The following CEP170B variants were observed in gnomAD, a reference collection of about 807,000 sequenced individuals.
CEP170B encodes centrosomal protein 170B, also known as centrosomal protein of 170 kDa protein B.
Under a neutral mutation model 120.6 loss-of-function variants are expected in CEP170B, and 55 were observed. The ratio of observed to expected loss-of-function variants is 0.46; its 90% CI spans 0.37 to 0.57. The LOEUF (loss-of-function observed/expected upper bound fraction) is 0.57, where lower values mean the gene tolerates loss of function less well. Ranked by LOEUF, CEP170B falls within the 20% of genes least tolerant of loss-of-function variation. The probability of loss-of-function intolerance (pLI) is 0.00; values close to 1 mark genes in which losing one functional copy is unlikely to be tolerated. For missense variants in CEP170B, 2,212 were observed against 2,253.3 expected (o/e 0.98, Z 0.37); for synonymous variants, 1,033 against 954.5 (o/e 1.08, Z -1.52).
intron 2 of CEP170B, among the ~76,000 whole-genome samples, chr14:104,871,995 T>TG (rs1895507393): frequency 6.6e-6 from 1 of 152,344 alleles, no homozygotes; most frequent in East Asian, 1.9e-4. Context: ...AGTGCAAGCC[T>TG]GGCACAGAGC....
In CEP170B at chr14:104,890,566, G is replaced by GTGGATGGA. The variant is rs754563532; in HGVS notation, c.3878+824_3878+831dup. 3.3e-3 allele frequency among the ~76,000 whole-genome samples: 260 copies of GTGGATGGA among 78,136 alleles called. 8 individuals are homozygous for GTGGATGGA. Among genetic ancestry groups the GTGGATGGA allele is most frequent in the African/African-American group, 0.014 (245 of 17,878 alleles). The allele number at this position is 78,136 out of a possible 152,430, so 51.3% of individuals were successfully genotyped here. ...GATGGGTGAGTAGGTGGGTGGGTGG[G>GTGGATGGA]TGGATGGATGGATGGATGGATGGGT... On this transcript the variant is annotated intron_variant, in intron 13 of 18. Coordinates refer to ENST00000414716, the MANE Select transcript of CEP170B (RefSeq NM_001112726.3).
At position 104,883,904 on chromosome 14, in the gene CEP170B, G is replaced by T; in HGVS notation, c.1125G>T (p.Val375=). The change falls in exon 9 of 19, where the codon GTG becomes GTT. Residue 375 remains valine (V), a synonymous_variant. Transcript: ENST00000414716. The stretch of plus-strand genomic sequence containing the variant: ...CCAAGGCGGCCTCGGCCGCTGGGGT[G>T]CCCTTGGAGGCCAGCGGGGAGCAGG... ...PLAKAASAAG[V]PLEASGEQVR... is the part of the protein sequence containing the mutation. 1.9e-6 allele frequency: 3 copies of T among 1,591,802 alleles called. No individual in the cohort carries two copies. The highest frequency in any genetic ancestry group is 2.6e-6 in the Non-Finnish European group (3 of 1,169,676).
intron 4 of CEP170B, 51 bp downstream of exon 4, chr14:104,878,014 G>A (rs1364065819): frequency 7.1e-7 from 1 of 1,405,628 alleles, no homozygotes; most frequent in South Asian, 1.2e-5. Context: ...CAGTCCCCAG[G>A]ACCACAGTCA....
At position 104,870,503 on chromosome 14, in the gene CEP170B, G is replaced by A. The variant is rs1379480588; in HGVS notation, c.105+1948G>A. ...CTGCTCTACCTAGGGTGGCTAGGAG[G>A]GCTTCTTGGAGGCGGCGGCACTTTG... On this transcript the variant is annotated intron_variant, in intron 2 of 18. Coordinates refer to ENST00000414716, the MANE Select transcript of CEP170B (RefSeq NM_001112726.3). This position sits in a 1 kb window ranked among gnomAD's most constrained non-coding sequence, Gnocchi z 4.1. 6.6e-6 allele frequency among the ~76,000 whole-genome samples: 1 copy of A among 152,170 alleles called. No homozygotes were observed. The highest frequency in any genetic ancestry group is 6.5e-5 in the Admixed American group (1 of 15,286).
chr14:104,882,067 C>G (rs374583396), intron 6 of CEP170B, among the ~76,000 whole-genome samples: 45 of 152,286 alleles, frequency 3.0e-4, no homozygotes, highest in Middle Eastern at 3.4e-3. Flanking sequence ...GGCCAGCGCC[C>G]TGACCTGAGG....
chr14:104,875,699 G>A (rs1895808305), intron 2 of CEP170B, among the ~76,000 whole-genome samples: 1 of 152,238 alleles, frequency 6.6e-6, no homozygotes, highest in Non-Finnish European at 1.5e-5. Context: ...CAGTGATGGG[G>A]GCTTGGCTGT....
rs771723021 is a variant in CEP170B, at chr14:104,894,371, C to G, written c.4358C>G (p.Ser1453Cys). 10 of 1,613,386 alleles carry G rather than the reference C, an allele frequency of 6.2e-6. No individual in the cohort carries two copies. In the South Asian group the frequency reaches 1.1e-4, roughly 18 times the overall value. ...AENEVPILKTSNKEISSILKE... is the reference protein window; with the variant it reads ...AENEVPILKTCNKEISSILKE... ...AACGAGGTGCCCATCCTGAAGACAT[C>G]TAACAAGGTGAGCGCTGGGGCCCCG... The change falls in exon 17 of 19, where the codon TCT becomes TGT. Residue 1453 changes from serine (S) to cysteine (C), a missense_variant. This residue lies in a region of CEP170B where 2,166 missense variants were observed against 2,166.7 expected (regional missense o/e 1.00). Coordinates refer to ENST00000414716, the MANE Select transcript of CEP170B (RefSeq NM_001112726.3).
intron 4 of CEP170B, among the ~76,000 whole-genome samples, chr14:104,878,215 CAT>C (rs1038087755): frequency 1.3e-5 from 2 of 152,058 alleles, no homozygotes; most frequent in Non-Finnish European, 2.9e-5. Context: ...CCTGAGGTCA[CAT>C]GGGGCCTGGG....
At chr14:104,874,922 C>A (rs1895756544) in intron 2 of CEP170B, among the ~76,000 whole-genome samples, 1 of 152,238 alleles carries the variant, frequency 6.6e-6, no homozygotes, top group Non-Finnish European at 1.5e-5. Context: ...TCTGCAGAGG[C>A]CTCAGTCAAG....
rs748458503 is a variant in CEP170B at position 104,884,387 on chromosome 14, C to A, written c.1608C>A (p.Ser536Arg). The A allele has an allele frequency of 7.8e-6, 12 of 1,547,116 alleles. No homozygotes were observed. Among genetic ancestry groups the A allele is most frequent in the East Asian group, 2.4e-5 (1 of 40,910 alleles). Residue 536 changes from serine to arginine, a missense_variant, in exon 9 of 19, where the codon AGC (serine) becomes AGA (arginine). Ser to Arg is a moderately radical substitution (Grantham distance 110). This residue lies in a region of CEP170B where 2,166 missense variants were observed against 2,166.7 expected (regional missense o/e 1.00). Coordinates refer to ENST00000414716, the MANE Select transcript of CEP170B (RefSeq NM_001112726.3). ...LPAPLTPHGT[S>R]PVGPPTPPPA... ...CTCCCCTGACACCCCATGGGACCAG[C>A]CCCGTGGGCCCCCCGACCCCACCGC... is the stretch of plus-strand genomic sequence containing the variant.
Position 104,894,520 on chromosome 14 carries a change from T to C in CEP170B, c.4366-17T>C, listed in dbSNP as rs745753795. 3 of 1,609,200 alleles carry C rather than the reference T, an allele frequency of 1.9e-6. No individual in the cohort carries two copies. In the South Asian group the frequency reaches 3.3e-5, roughly 18 times the overall value. ...CGTCAGAAGTTGACTCCACCTCCCT[T>C]CCTGCCACGTTTCCAGGAAATCAGC... On this transcript the variant is annotated splice_polypyrimidine_tract_variant and intron_variant, in intron 17 of 18. Transcript: ENST00000414716.
In CEP170B at chr14:104,883,149, A is replaced by G; in HGVS notation, c.692A>G (p.Lys231Arg). 1 of 1,607,694 alleles carries G rather than the reference A, an allele frequency of 6.2e-7. No homozygotes were observed. Among genetic ancestry groups the G allele is most frequent in the Non-Finnish European group, 8.5e-7 (1 of 1,178,574 alleles). The stretch of plus-strand genomic sequence containing the variant: ...CCCAGCTACTTCGAGATCCCCACGA[A>G]GGAGACCCCGCAGCCGTCGCAGCCC... ...REPSYFEIPT[K>R]ETPQPSQPPE... is the part of the protein sequence containing the mutation. Residue 231 changes from lysine (K) to arginine (R), a missense_variant, in exon 8 of 19, where the codon AAG (lysine) becomes AGG (arginine). Physicochemically the swap from Lys to Arg is conservative, Grantham distance 26. Transcript: ENST00000414716.
intron 12 of CEP170B, among the ~76,000 whole-genome samples, chr14:104,888,475 G>T (rs1390205039): frequency 1.3e-5 from 2 of 152,186 alleles, no homozygotes; most frequent in Non-Finnish European, 2.9e-5. Flanking sequence ...GAGCCCGCAG[G>T]CCCCATGACC....
intron 9 of CEP170B, among the ~76,000 whole-genome samples, chr14:104,885,026 C>T (rs1213402865): frequency 2.7e-5 from 2 of 75,362 alleles, no homozygotes; most frequent in Non-Finnish European, 5.4e-5. Context: ...CCGGGGGTGG[C>T]GAGTGAGAGT....
chr14:104,873,857 C>G (rs528179609), intron 2 of CEP170B, among the ~76,000 whole-genome samples: 46 of 152,226 alleles, frequency 3.0e-4, no homozygotes, highest in African/African-American at 1.1e-3. Context: ...CCGAGCCCGG[C>G]CCCAGGCCTC....
At position 104,886,417 on chromosome 14, in the gene CEP170B, G is replaced by T. The variant is rs369150904; in HGVS notation, c.2178G>T (p.Pro726=). 6.3e-7 allele frequency: 1 copy of T among 1,579,924 alleles called. No homozygotes were observed. ...ESSRRSGPGP[P]ELDSEQPSRL... Reference sequence around the variant, plus strand: ...GCAGGAGGAGTGGGCCTGGGCCACCGGAGCTGGACAGTGAGCAGCCCAGCC... The same window carrying T: ...GCAGGAGGAGTGGGCCTGGGCCACCTGAGCTGGACAGTGAGCAGCCCAGCC... The change falls in exon 12 of 19, where the codon CCG becomes CCT. Residue 726 remains proline, a synonymous_variant. Coordinates refer to ENST00000414716, the MANE Select transcript of CEP170B (RefSeq NM_001112726.3).
At position 104,884,429 on chromosome 14, in the gene CEP170B, C is replaced by G; in HGVS notation, c.1650C>G (p.Pro550=). The change falls in exon 9 of 19, where the codon CCC becomes CCG. Residue 550 remains proline, a synonymous_variant. Coordinates refer to ENST00000414716, the MANE Select transcript of CEP170B (RefSeq NM_001112726.3). ...CCCCACCGCCCGCCCCCACGGACCC[C>G]CAGCTGACCAAGGCACGGAAACAGG... is the stretch of plus-strand genomic sequence containing the variant. The part of the protein sequence containing the change: ...PPTPPPAPTD[P]QLTKARKQEE... 9 of 1,550,390 alleles carry G rather than the reference C, an allele frequency of 5.8e-6. No homozygotes were observed. The highest frequency in any genetic ancestry group is 7.0e-6 in the Non-Finnish European group (8 of 1,147,188).
chr14:104,893,190 A>T, intron 14 of CEP170B, 55 bp downstream of exon 14: 2 of 1,550,930 alleles, frequency 1.3e-6, no homozygotes, highest in South Asian at 1.2e-5. Flanking sequence ...GAGGAGGGTC[A>T]GGCCAGGTCC....
Position 104,887,714 on chromosome 14 carries a change from G to A in CEP170B, c.3475G>A (p.Glu1159Lys), listed in dbSNP as rs774413626. ...TGAGCCCGTGGGCCGGCCAGCTGCTGAGCAGGCCAAGAAGCTGTCACGCCT... is the reference window on the plus strand; with the variant it reads ...TGAGCCCGTGGGCCGGCCAGCTGCTAAGCAGGCCAAGAAGCTGTCACGCCT... ...NPEPVGRPAA[E>K]QAKKLSRLDI... The change falls in exon 12 of 19, where the codon GAG becomes AAG. Residue 1159 changes from glutamate (E) to lysine (K), a missense_variant. Glu to Lys is a moderately conservative substitution (Grantham distance 56). This residue lies in a region of CEP170B where 2,166 missense variants were observed against 2,166.7 expected (regional missense o/e 1.00). Transcript: ENST00000414716. 19 of 1,586,196 alleles carry A rather than the reference G, an allele frequency of 1.2e-5. No individual in the cohort carries two copies. The South Asian group carries it at 1.9e-4, about 16-fold the overall frequency.
Sources: allele counts gnomAD v4.1 joint callset (sites outside exome capture counted in the v4.1 genomes callset), GRCh38; gene constraint gnomAD v4.1.1; regional missense constraint gnomAD v4.1.1; non-coding constraint Gnocchi (gnomAD v3.1); transcripts MANE v1.5; gene names NCBI Gene and HGNC (gene_info 2026-07-23, HGNC 2026-07-21).